Variants in MAP2K5 observed in about 807,000 individuals in gnomAD.
The protein encoded by MAP2K5 is mitogen-activated protein kinase kinase 5.
Under a neutral mutation model 83.1 loss-of-function variants are expected in MAP2K5, and 49 were observed. That is an observed-to-expected ratio of 0.59 (90% confidence interval 0.47 to 0.75). MAP2K5 has a LOEUF of 0.75. MAP2K5 is among the 30% of genes least tolerant of loss of function. The pLI is 0.00. For missense variants in MAP2K5, 457 were observed against 557.5 expected (o/e 0.82, Z 1.82); for synonymous variants, 202 against 191.8 (o/e 1.05, Z -0.44).
chr15:67,584,403 A>G (rs1206445178), intron 4 of MAP2K5, among the ~76,000 whole-genome samples: 1 of 152,214 alleles, frequency 6.6e-6, no homozygotes, highest in Non-Finnish European at 1.5e-5. Flanking sequence ...CAGTGGAAAT[A>G]TTTTGAAGTG....
intron 8 of MAP2K5, among the ~76,000 whole-genome samples, chr15:67,605,692 C>G (rs985642649): frequency 2.6e-5 from 4 of 152,144 alleles, no homozygotes; most frequent in African/African-American, 9.7e-5. Context: ...GTTCTTCCCC[C>G]AGGCAGTGTT....
chr15:67,695,463 A>G (rs4331293), intron 15 of MAP2K5, among the ~76,000 whole-genome samples: 40,268 of 152,140 alleles, frequency 0.26, 6,083 homozygotes, highest in East Asian at 0.53. Context: ...TAACCTCTGA[A>G]GTCTTCATAT....
rs540290147 is a variant in MAP2K5 at position 67,636,428 on chromosome 15, A to C, written c.585+5501A>C. ...GTCTCAAAAAAAAAAAAAAAGTATG[A>C]AATATAGTTATAATAACTGAATTAG... On this transcript the variant is annotated intron_variant, in intron 9 of 21. Coordinates refer to ENST00000178640, the MANE Select transcript of MAP2K5 (RefSeq NM_145160.3). The surrounding 1 kb of genome is among the most constrained non-coding windows in gnomAD (Gnocchi z 4.7). Among the ~76,000 whole-genome samples, 1 of 152,000 alleles carries C rather than the reference A, an allele frequency of 6.6e-6. No homozygotes were observed. Among genetic ancestry groups the C allele is most frequent in the South Asian group, 2.1e-4 (1 of 4,814 alleles).
rs2084829910 is a variant in MAP2K5, at chr15:67,565,969, T to C, written c.252+2619T>C. ...ATGATTGAAATTTAAGGAGAACCAT[T>C]TGGACGTAACCTTACAGTAGGTTTT... On this transcript the variant is annotated intron_variant, in intron 3 of 21. Transcript: ENST00000178640. This position sits in a 1 kb window ranked among gnomAD's most constrained non-coding sequence, Gnocchi z 4.1. 6.6e-6 allele frequency among the ~76,000 whole-genome samples: 1 copy of C among 152,146 alleles called. No homozygotes were observed. The highest frequency in any genetic ancestry group is 1.5e-5 in the Non-Finnish European group (1 of 68,018).
chr15:67,646,789 T>G (rs1212361360), intron 11 of MAP2K5, among the ~76,000 whole-genome samples: 1 of 152,224 alleles, frequency 6.6e-6, no homozygotes, highest in African/African-American at 2.4e-5. Context: ...TTCTGTTCTT[T>G]TAATGTTTCA....
intron 13 of MAP2K5, among the ~76,000 whole-genome samples, chr15:67,687,290 A>T (rs763253894): frequency 3.9e-5 from 6 of 152,222 alleles, no homozygotes; most frequent in Admixed American, 6.5e-5. Flanking sequence ...AGTCTGGAGT[A>T]GAACACAAAA....
At position 67,720,675 on chromosome 15, in the gene MAP2K5, A is replaced by G. The variant is rs1011213226; in HGVS notation, c.1045-7241A>G. On this transcript the variant is annotated intron_variant, in intron 16 of 21. Coordinates refer to ENST00000178640, the MANE Select transcript of MAP2K5 (RefSeq NM_145160.3). The surrounding 1 kb of genome is among the most constrained non-coding windows in gnomAD (Gnocchi z 5.7). Reference sequence around the variant, plus strand: ...GATGAGCCCCGTCAGAAGAGCTGAAAATGAGGAAGTTGCCTTGCAGAGCGC... The same window carrying G: ...GATGAGCCCCGTCAGAAGAGCTGAAGATGAGGAAGTTGCCTTGCAGAGCGC... 1.2e-4 allele frequency among the ~76,000 whole-genome samples: 18 copies of G among 152,144 alleles called. No homozygotes were observed. The highest frequency in any genetic ancestry group is 1.5e-5 in the Non-Finnish European group (1 of 68,024).
intron 13 of MAP2K5, among the ~76,000 whole-genome samples, chr15:67,692,131 CT>C: frequency 6.6e-6 from 1 of 152,204 alleles, no homozygotes; most frequent in African/African-American, 2.4e-5. Context: ...TGTGCAAATT[CT>C]TTGCAAGAAG....
At chr15:67,776,675 G>A (rs1160545336) in intron 21 of MAP2K5, among the ~76,000 whole-genome samples, 1 of 152,190 alleles carries the variant, frequency 6.6e-6, no homozygotes, top group Non-Finnish European at 1.5e-5. Flanking sequence ...CAATTTCTGT[G>A]TTTAAATATT....
intron 12 of MAP2K5, among the ~76,000 whole-genome samples, chr15:67,661,275 T>TGCCTTTCC (rs1285120926): frequency 2.0e-5 from 3 of 152,148 alleles, no homozygotes; most frequent in Non-Finnish European, 4.4e-5. Flanking sequence ...AATGCCTTTC[T>TGCCTTTCC]GCCTTTCCCT....
At chr15:67,756,608 A>T (rs2089843245) in intron 19 of MAP2K5, among the ~76,000 whole-genome samples, 1 of 150,122 alleles carries the variant, frequency 6.7e-6, no homozygotes, top group African/African-American at 2.5e-5. Context: ...TAAATACATA[A>T]TACAGGATTA....
At chr15:67,795,563 C>T (rs1299409073) in intron 21 of MAP2K5, among the ~76,000 whole-genome samples, 2 of 152,050 alleles carry the variant, frequency 1.3e-5, no homozygotes, top group Non-Finnish European at 2.9e-5. Flanking sequence ...AATTTTAATC[C>T]ACTGTGGTCA....
intron 12 of MAP2K5, 66 bp downstream of exon 12, chr15:67,658,680 C>G (rs1303549795): frequency 2.3e-6 from 3 of 1,302,716 alleles, no homozygotes; most frequent in Non-Finnish European, 3.3e-6. Context: ...GCTCATTCTT[C>G]TTATATTCTC....
intron 19 of MAP2K5, among the ~76,000 whole-genome samples, chr15:67,763,984 G>A (rs1400411145): frequency 6.6e-6 from 1 of 152,212 alleles, no homozygotes; most frequent in Non-Finnish European, 1.5e-5. Flanking sequence ...ATTATAGAGT[G>A]TGACTCTCAA....
intron 12 of MAP2K5, 135 bp from the exon 13 acceptor site, chr15:67,664,462 C>T: frequency 1.7e-6 from 1 of 597,366 alleles, no homozygotes; most frequent in South Asian, 2.0e-5. Flanking sequence ...GATTGTACCC[C>T]ACAGCACTTC....
intron 4 of MAP2K5, 54 bp from the exon 5 acceptor site, chr15:67,585,836 C>G: frequency 1.3e-6 from 2 of 1,506,950 alleles, no homozygotes; most frequent in Non-Finnish European, 1.8e-6. Context: ...TCATTTTGAG[C>G]AAATTTGTAA....
At chr15:67,787,065 A>G (rs545289370) in intron 21 of MAP2K5, among the ~76,000 whole-genome samples, 22 of 152,294 alleles carry the variant, frequency 1.4e-4, no homozygotes, top group Admixed American at 1.3e-3. Flanking sequence ...CACACCAGAG[A>G]GTAGTGGGGC....
In MAP2K5 at chr15:67,775,187, T is replaced by C. The variant is rs1357825861; in HGVS notation, c.1242+2435T>C. Among the ~76,000 whole-genome samples the C allele has an allele frequency of 1.3e-5, 2 of 152,230 alleles. No homozygotes were observed. The highest frequency in any genetic ancestry group is 2.9e-5 in the Non-Finnish European group (2 of 68,040). On this transcript the variant is annotated intron_variant, in intron 21 of 21. Transcript: ENST00000178640. This position sits in a 1 kb window ranked among gnomAD's most constrained non-coding sequence, Gnocchi z 5.3. ...TCTTGGCAGTTTTTGACCATGTCAG[T>C]CTTAAAGATTAATGTAAAACTCAAT...
Position 67,769,836 on chromosome 15 carries a change from CGTT to C in MAP2K5, c.1196+174_1196+176del. The C allele has an allele frequency of 1.7e-6, 1 of 590,398 alleles. No individual in the cohort carries two copies. The highest frequency in any genetic ancestry group is 2.9e-5 in the East Asian group (1 of 34,708). The allele number at this position is 590,398 out of a possible 1,614,324, so 36.6% of individuals were successfully genotyped here. A position where few individuals can be genotyped will look rare whatever the true frequency, so the allele number is the denominator to read the frequency against. ...GAAGAAATTGTTTAAATTATGTAAA[CGTT>C]ATTTACACAAAGGGTCATAAGCATA... On this transcript the variant is annotated intron_variant, in intron 20 of 21. Transcript: ENST00000178640. The surrounding 1 kb of genome is among the most constrained non-coding windows in gnomAD (Gnocchi z 5.2).
Sources: allele counts gnomAD v4.1 joint callset (sites outside exome capture counted in the v4.1 genomes callset), GRCh38; gene constraint gnomAD v4.1.1; non-coding constraint Gnocchi (gnomAD v3.1); transcripts MANE v1.5; gene names NCBI Gene and HGNC (gene_info 2026-07-23, HGNC 2026-07-21).